Variants in GALNT14 observed in about 807,000 individuals in gnomAD.
GALNT14 encodes the protein polypeptide N-acetylgalactosaminyltransferase 14.
In GALNT14, 60 loss-of-function variants were observed where a neutral mutation model predicts 77.5. The ratio of observed to expected loss-of-function variants is 0.77; its 90% CI spans 0.63 to 0.96. GALNT14 has a LOEUF of 0.96. Ranked by LOEUF, GALNT14 falls within the 40% of genes least tolerant of loss-of-function variation. The pLI, the probability that GALNT14 is intolerant of heterozygous loss-of-function variation, is 0.00. For missense variants in GALNT14, 710 were observed against 731.0 expected, an observed-to-expected ratio of 0.97 and a Z score of 0.33; for synonymous variants, 280 against 281.7, an observed-to-expected ratio of 0.99 and a Z score of 0.06.
chr2:30,907,030 C>CA (rs1213000632), downstream of GALNT14, among the ~76,000 whole-genome samples: 1 of 152,062 alleles, frequency 6.6e-6, no homozygotes, highest in African/African-American at 2.4e-5. Flanking sequence ...AGACACAACA[C>CA]ACCAGAATCT....
At chr2:30,901,091 T>C in the GALNT14 span, among the ~76,000 whole-genome samples, 1 of 152,296 alleles carries the variant, frequency 6.6e-6, no homozygotes, top group East Asian at 1.9e-4. Context: ...AATCAATGTA[T>C]AAGTCCATTT....
chr2:30,964,739 A>G (rs1345722818), intron 3 of GALNT14, among the ~76,000 whole-genome samples: 1 of 152,052 alleles, frequency 6.6e-6, no homozygotes, highest in African/African-American at 2.4e-5. Flanking sequence ...GTCCCTCCCT[A>G]TGTCTCTAAG....
At chr2:31,115,006 G>C (rs1208419152) in intron 1 of GALNT14, among the ~76,000 whole-genome samples, 1 of 152,114 alleles carries the variant, frequency 6.6e-6, no homozygotes, top group South Asian at 2.1e-4. Flanking sequence ...CAACACTTTA[G>C]GAGGCCGAGG....
At chr2:30,982,737 G>A (rs1410199445) in intron 2 of GALNT14, among the ~76,000 whole-genome samples, 1 of 152,208 alleles carries the variant, frequency 6.6e-6, no homozygotes, top group Non-Finnish European at 1.5e-5. Context: ...GAACATAGGT[G>A]TGTTCTCTTT....
chr2:30,976,606 C>CGTGT (rs550215452), intron 2 of GALNT14, among the ~76,000 whole-genome samples: 3,763 of 144,202 alleles, frequency 0.026, 65 homozygotes, highest in Non-Finnish European at 0.033. Context: ...TGTGCATGTG[C>CGTGT]GTGTGCGTGT....
At chr2:30,904,966 G>A in the GALNT14 span, among the ~76,000 whole-genome samples, 10 of 151,888 alleles carry the variant, frequency 6.6e-5, no homozygotes, top group East Asian at 1.9e-4. Flanking sequence ...CACCTCACAC[G>A]GCAGGGTATT....
chr2:30,964,175 G>A (rs1424260624), intron 3 of GALNT14, among the ~76,000 whole-genome samples: 1 of 152,202 alleles, frequency 6.6e-6, no homozygotes, highest in Non-Finnish European at 1.5e-5. Context: ...TCTCTCAGGT[G>A]CTAACGCTGT....
intron 1 of GALNT14, among the ~76,000 whole-genome samples, chr2:31,008,814 G>A (rs980817347): frequency 1.6e-4 from 24 of 152,164 alleles, no homozygotes; most frequent in East Asian, 3.9e-4. Flanking sequence ...CAGTGCAGTC[G>A]ACACCGCTCC....
chr2:31,062,412 T>C (rs1253883287), intron 1 of GALNT14, among the ~76,000 whole-genome samples: 1 of 152,232 alleles, frequency 6.6e-6, no homozygotes, highest in Non-Finnish European at 1.5e-5. Context: ...TATGGCTTCA[T>C]AGTATTCCAT....
intron 3 of GALNT14, among the ~76,000 whole-genome samples, chr2:30,963,272 C>T (rs959008186): frequency 7.9e-5 from 12 of 152,294 alleles, no homozygotes; most frequent in East Asian, 1.9e-4. Context: ...ACAGAGGAGC[C>T]GCGCTGTACC....
At chr2:30,938,697 T>C (rs945917547) in intron 9 of GALNT14, among the ~76,000 whole-genome samples, 4 of 152,224 alleles carry the variant, frequency 2.6e-5, no homozygotes, top group African/African-American at 7.2e-5. Context: ...CACATGGCCA[T>C]GGCAGCCAAT....
At chr2:30,959,673 G>A (rs1056392199) in intron 3 of GALNT14, among the ~76,000 whole-genome samples, 7 of 152,188 alleles carry the variant, frequency 4.6e-5, no homozygotes, top group Admixed American at 1.3e-4. Context: ...ACAAATGGTT[G>A]CAATTTTTTA....
At chr2:30,935,247 C>T (rs767132640) in intron 9 of GALNT14, among the ~76,000 whole-genome samples, 1 of 152,176 alleles carries the variant, frequency 6.6e-6, no homozygotes, top group Non-Finnish European at 1.5e-5. Flanking sequence ...ATCTCTCCAA[C>T]TCCGAAATTC....
At chr2:31,049,258 T>C (rs1424326645) in intron 1 of GALNT14, among the ~76,000 whole-genome samples, 1 of 152,212 alleles carries the variant, frequency 6.6e-6, no homozygotes, top group East Asian at 1.9e-4. Context: ...CAGCTCATTC[T>C]ATGGTATCCC....
intron 1 of GALNT14, among the ~76,000 whole-genome samples, chr2:31,074,180 C>T (rs562134110): frequency 5.9e-5 from 9 of 152,260 alleles, no homozygotes; most frequent in Non-Finnish European, 7.3e-5. Flanking sequence ...GCCAGGGAGA[C>T]GGTGCCAAGC....
intron 2 of GALNT14, among the ~76,000 whole-genome samples, chr2:30,981,477 T>C (rs1384538507): frequency 6.6e-6 from 1 of 152,188 alleles, no homozygotes; most frequent in Non-Finnish European, 1.5e-5. Flanking sequence ...TCAGCCTACA[T>C]GTGCACCTCA....
intron 2 of GALNT14, among the ~76,000 whole-genome samples, chr2:30,975,981 CTCCT>C (rs2148364128): frequency 6.6e-6 from 1 of 152,294 alleles, no homozygotes; most frequent in South Asian, 2.1e-4. Flanking sequence ...GAAAATCTCC[CTCCT>C]GTCTCCTCTC....
At chr2:30,899,830 G>C in the GALNT14 span, among the ~76,000 whole-genome samples, 5 of 152,218 alleles carry the variant, frequency 3.3e-5, no homozygotes, top group Non-Finnish European at 5.9e-5. Flanking sequence ...CACAGACCAC[G>C]AGGGAGCTCG....
intron 14 of GALNT14, among the ~76,000 whole-genome samples, chr2:30,911,890 T>A (rs1303370638): frequency 6.6e-6 from 1 of 152,182 alleles, no homozygotes; most frequent in Non-Finnish European, 1.5e-5. Flanking sequence ...AAGGGTCAAG[T>A]CTTGCTCATC....
Sources: allele counts gnomAD v4.1 joint callset (sites outside exome capture counted in the v4.1 genomes callset), GRCh38; gene constraint gnomAD v4.1.1; transcripts MANE v1.5; gene names NCBI Gene and HGNC (gene_info 2026-07-23, HGNC 2026-07-21).